The following KLHDC10 variants were observed in gnomAD, a reference collection of about 807,000 sequenced individuals.
KLHDC10 encodes the protein kelch domain-containing protein 10.
Under a neutral mutation model 56.1 loss-of-function variants are expected in KLHDC10, and 24 were observed. The ratio of observed to expected loss-of-function variants is 0.43; its 90% confidence interval spans 0.31 to 0.60. The LOEUF (loss-of-function observed/expected upper bound fraction) is 0.60. Among genes scored for constraint, KLHDC10 ranks in the 20% least tolerant of loss-of-function variants. The pLI is 0.11. For missense variants in KLHDC10, 349 were observed against 567.0 expected (o/e 0.62, Z 3.91); for synonymous variants, 188 against 207.1 (o/e 0.91, Z 0.79).
intron 3 of KLHDC10, among the ~76,000 whole-genome samples, chr7:130,118,507 T>TG (rs1226029158): frequency 2.6e-4 from 40 of 152,356 alleles, no homozygotes; most frequent in Admixed American, 7.8e-4. Context: ...AATAAGGCTG[T>TG]TTTGCTTCCT....
At chr7:130,117,933 G>A (rs1796191516) in intron 3 of KLHDC10, among the ~76,000 whole-genome samples, 1 of 151,682 alleles carries the variant, frequency 6.6e-6, no homozygotes, top group Non-Finnish European at 1.5e-5. Flanking sequence ...GGGAGGCTGA[G>A]GCGGGCGGAT....
At chr7:130,105,047 C>T (rs75683967) in intron 2 of KLHDC10, among the ~76,000 whole-genome samples, 5,140 of 152,216 alleles carry the variant, frequency 0.034, 292 homozygotes, top group African/African-American at 0.12. Context: ...AGTAAAACCA[C>T]GAGAGCTCTA....
chr7:130,108,729 A>G (rs1046666918), intron 2 of KLHDC10, among the ~76,000 whole-genome samples: 1 of 150,988 alleles, frequency 6.6e-6, no homozygotes, highest in Admixed American at 6.6e-5. Flanking sequence ...CTCAAACAAA[A>G]AAAAAAAAAA....
chr7:130,127,763 A>T (rs73144783), intron 8 of KLHDC10, among the ~76,000 whole-genome samples: 2,381 of 152,348 alleles, frequency 0.016, 28 homozygotes, highest in Middle Eastern at 0.048. Context: ...TAATACTAAT[A>T]ATCTTGACTG....
intron 1 of KLHDC10, among the ~76,000 whole-genome samples, chr7:130,086,062 T>C (rs1229950038): frequency 6.6e-6 from 1 of 152,184 alleles, no homozygotes; most frequent in East Asian, 1.9e-4. Flanking sequence ...TAATTTTTAT[T>C]AGCCTGTATA....
intron 6 of KLHDC10, 148 bp downstream of exon 6, chr7:130,124,683 T>C (rs1473384790): frequency 5.4e-6 from 3 of 551,432 alleles, no homozygotes; most frequent in Non-Finnish European, 9.9e-6. Flanking sequence ...ATGCACTTTA[T>C]AAGGTCGAAC....
In KLHDC10 at chr7:130,070,731, G is replaced by A. The variant is rs777034386; in HGVS notation, c.88G>A (p.Gly30Ser). 2 of 1,282,250 alleles carry A rather than the reference G, an allele frequency of 1.6e-6. No homozygotes were observed. The highest frequency in any genetic ancestry group is 2.0e-6 in the Non-Finnish European group (2 of 1,012,086). 79.4% of individuals were successfully genotyped at this position (1,282,250 alleles called of 1,614,324 possible). A position where few individuals can be genotyped will look rare whatever the true frequency, so the allele number is the denominator to read the frequency against. ...AGGGGSGAGG[G>S]SGGSGGRGTG... is the part of the protein sequence containing the mutation. The stretch of plus-strand genomic sequence containing the variant: ...TGGCGGAGGTAGCGGGGCCGGCGGG[G>A]GCAGTGGGGGCAGCGGGGGTCGGGG... Residue 30 changes from glycine to serine, a missense_variant, in exon 1 of 10, where the codon GGC becomes AGC. By Grantham distance (56) the Gly-to-Ser change is moderately conservative (BLOSUM62 0). Coordinates refer to ENST00000335420, the MANE Select transcript of KLHDC10 (RefSeq NM_014997.4).
chr7:130,099,260 A>G (rs577837457), intron 2 of KLHDC10, among the ~76,000 whole-genome samples: 2 of 152,222 alleles, frequency 1.3e-5, no homozygotes, highest in African/African-American at 4.8e-5. Flanking sequence ...TTGTCTCATC[A>G]ACTTTCACAG....
intron 2 of KLHDC10, among the ~76,000 whole-genome samples, chr7:130,105,414 T>C (rs895687686): frequency 1.3e-5 from 2 of 152,144 alleles, no homozygotes; most frequent in Non-Finnish European, 2.9e-5. Context: ...AAATAAATAA[T>C]ATTTGGCAAG....
intron 7 of KLHDC10, 129 bp downstream of exon 7, chr7:130,126,060 C>A: frequency 2.9e-6 from 2 of 687,290 alleles, no homozygotes; most frequent in Non-Finnish European, 4.8e-6. Context: ...GGCGCATTGT[C>A]TCACGCCTAT....
chr7:130,108,587 G>T (rs1379777333), intron 2 of KLHDC10, among the ~76,000 whole-genome samples: 1 of 149,906 alleles, frequency 6.7e-6, no homozygotes, highest in Non-Finnish European at 1.5e-5. Flanking sequence ...GGGCGTGGTG[G>T]TGCGCGCCTG....
intron 1 of KLHDC10, among the ~76,000 whole-genome samples, chr7:130,076,270 C>A (rs1795501626): frequency 6.6e-6 from 1 of 152,132 alleles, no homozygotes; most frequent in South Asian, 2.1e-4. Flanking sequence ...GGCCAGGTTC[C>A]TAACAGGCCA....
chr7:130,105,669 T>C (rs1422487738), intron 2 of KLHDC10, among the ~76,000 whole-genome samples: 3 of 152,140 alleles, frequency 2.0e-5, no homozygotes, highest in Admixed American at 6.6e-5. Context: ...TAGGATACTC[T>C]AGAAGTGAAG....
chr7:130,113,189 A>G (rs888612495), intron 2 of KLHDC10, among the ~76,000 whole-genome samples: 6 of 152,164 alleles, frequency 3.9e-5, no homozygotes, highest in African/African-American at 1.4e-4. Context: ...CAGGAGCCAT[A>G]TGTTATGGCT....
chr7:130,117,849 C>CAAAAAAAAA (rs60800057), intron 3 of KLHDC10, among the ~76,000 whole-genome samples: 30 of 73,158 alleles, frequency 4.1e-4, no homozygotes, highest in East Asian at 9.2e-4. Context: ...GACCCTGTCT[C>CAAAAAAAAA]AAAAAAAAAA....
intron 2 of KLHDC10, among the ~76,000 whole-genome samples, chr7:130,104,866 C>T (rs551636563): frequency 5.8e-4 from 88 of 152,282 alleles, no homozygotes; most frequent in African/African-American, 1.9e-3. Context: ...CCCCGTGATC[C>T]AGTCACCTCC....
chr7:130,094,157 C>T (rs989762024), intron 1 of KLHDC10, among the ~76,000 whole-genome samples: 1 of 151,994 alleles, frequency 6.6e-6, no homozygotes, highest in Non-Finnish European at 1.5e-5. Flanking sequence ...AACTCCTGGC[C>T]TCAAGTGATC....
chr7:130,134,847 T>G lies in KLHDC10; in HGVS notation c.*4101T>G, dbSNP rs1045896338. On this transcript the variant is annotated 3_prime_UTR_variant, in exon 10 of 10. Coordinates refer to ENST00000335420, the MANE Select transcript of KLHDC10 (RefSeq NM_014997.4). The stretch of plus-strand genomic sequence containing the variant: ...ACTGGTCACTGTTAGCTGAAATTGC[T>G]TTGGTTCCCCAAATGCCTTGGAACT... The G allele has an allele frequency of 1.3e-5, 2 of 152,186 alleles. No homozygotes were observed. Among genetic ancestry groups the G allele is most frequent in the Non-Finnish European group, 2.9e-5 (2 of 68,042 alleles). 9.4% of individuals were successfully genotyped at this position (152,186 alleles called of 1,614,324 possible). A position where few individuals can be genotyped will look rare whatever the true frequency, so the allele number is the denominator to read the frequency against.
chr7:130,111,413 A>G (rs1274658418), intron 2 of KLHDC10, among the ~76,000 whole-genome samples: 1 of 152,156 alleles, frequency 6.6e-6, no homozygotes, highest in Non-Finnish European at 1.5e-5. Context: ...TATAAAATAA[A>G]GAATTTGGGG....
Sources: gnomAD v4.1 joint callset for allele counts (sites outside exome capture counted in the v4.1 genomes callset) on GRCh38, gnomAD v4.1.1 for gene constraint, MANE v1.5 for transcripts, NCBI Gene and HGNC (gene_info 2026-07-23, HGNC 2026-07-21) for gene names.